TSHZ2: variants seen among roughly 807,000 people sequenced by gnomAD.
TSHZ2 encodes the protein teashirt homolog 2.
TSHZ2 carries 21 observed loss-of-function variants against 74.4 expected under a neutral mutation model. That is an observed-to-expected ratio of 0.28 (90% CI 0.20 to 0.41). The LOEUF (loss-of-function observed/expected upper bound fraction) is 0.41. Ranked by LOEUF, TSHZ2 falls within the 10% of genes least tolerant of loss-of-function variation. The pLI, the probability that TSHZ2 is intolerant of heterozygous loss-of-function variation, is 1.00. For synonymous variants in TSHZ2, 540 were observed against 515.3 expected (o/e 1.05, Z -0.65); for missense variants, 1,244 against 1,293.5 (o/e 0.96, Z 0.59).
At chr20:53,375,965 A>G (rs1981643120) in intron 2 of TSHZ2, among the ~76,000 whole-genome samples, 1 of 152,210 alleles carries the variant, frequency 6.6e-6, no homozygotes, top group Non-Finnish European at 1.5e-5. Context: ...ATAAATACAT[A>G]AACATTTGCC....
At chr20:53,321,616 G>A (rs1009906173) in intron 2 of TSHZ2, among the ~76,000 whole-genome samples, 10 of 147,848 alleles carry the variant, frequency 6.8e-5, no homozygotes, top group Non-Finnish European at 1.3e-4. Flanking sequence ...CCCGGGAGGC[G>A]GAGGTTGTGG....
At chr20:53,142,973 A>G (rs937713654) in intron 1 of TSHZ2, among the ~76,000 whole-genome samples, 1 of 152,162 alleles carries the variant, frequency 6.6e-6, no homozygotes, top group African/African-American at 2.4e-5. Flanking sequence ...GTCAGATCGC[A>G]TTGAGTAACT....
chr20:53,176,682 GTTTC>G (rs1167852022), intron 1 of TSHZ2, among the ~76,000 whole-genome samples: 10 of 148,216 alleles, frequency 6.7e-5, no homozygotes, highest in African/African-American at 1.5e-4. Context: ...GTATTTCTTT[GTTTC>G]TTTCTTTTTT....
intron 1 of TSHZ2, among the ~76,000 whole-genome samples, chr20:53,188,243 A>G (rs1228208647): frequency 1.3e-5 from 2 of 152,182 alleles, no homozygotes; most frequent in Non-Finnish European, 2.9e-5. Context: ...GCCATGTATC[A>G]TTACATAAAT....
intron 1 of TSHZ2, among the ~76,000 whole-genome samples, chr20:53,162,328 A>G (rs1317218946): frequency 6.6e-6 from 1 of 152,256 alleles, no homozygotes; most frequent in Non-Finnish European, 1.5e-5. Flanking sequence ...TGGCTGCCGC[A>G]ATGTTTTGGG....
At chr20:53,326,141 C>T (rs963469006) in intron 2 of TSHZ2, among the ~76,000 whole-genome samples, 6 of 152,196 alleles carry the variant, frequency 3.9e-5, no homozygotes, top group Admixed American at 6.5e-5. Flanking sequence ...GCCTCTTTCT[C>T]GGCTTTATGC....
intron 1 of TSHZ2, among the ~76,000 whole-genome samples, chr20:53,082,702 A>G (rs1665520117): frequency 2.6e-5 from 4 of 152,254 alleles, no homozygotes; most frequent in African/African-American, 9.6e-5. Flanking sequence ...AAAGTTGGAA[A>G]TGATAAGCCA....
chr20:53,013,983 AT>A (rs1258344616), intron 1 of TSHZ2, among the ~76,000 whole-genome samples: 461 of 152,262 alleles, frequency 3.0e-3, no homozygotes, highest in African/African-American at 8.8e-3. Flanking sequence ...CCTCGTGGGG[AT>A]GATATGAAAG....
intron 1 of TSHZ2, chr20:53,206,745 G>T (rs2123596831): frequency 6.6e-6 from 1 of 152,144 alleles, no homozygotes; most frequent in East Asian, 1.9e-4. Context: ...ATACTCTCTA[G>T]GAAATCTCTT....
At chr20:53,037,613 T>C (rs559190817) in intron 1 of TSHZ2, among the ~76,000 whole-genome samples, 1 of 152,338 alleles carries the variant, frequency 6.6e-6, no homozygotes, top group African/African-American at 2.4e-5. Flanking sequence ...GGTAAGTTTC[T>C]AGGGGTCATA....
intron 1 of TSHZ2, among the ~76,000 whole-genome samples, chr20:53,153,885 G>A (rs1047442515): frequency 1.3e-5 from 2 of 152,204 alleles, no homozygotes; most frequent in African/African-American, 4.8e-5. Context: ...AGATGGTTCA[G>A]CTCCTCTCAT....
chr20:53,242,652 A>T (rs907202650), intron 1 of TSHZ2, among the ~76,000 whole-genome samples: 1 of 143,780 alleles, frequency 7.0e-6, no homozygotes, highest in African/African-American at 2.6e-5. Context: ...GTTTAAACCC[A>T]TGTGCACACT....
chr20:53,118,376 G>A (rs543757048), intron 1 of TSHZ2, among the ~76,000 whole-genome samples: 2 of 152,200 alleles, frequency 1.3e-5, no homozygotes, highest in East Asian at 1.9e-4. Flanking sequence ...CTGAGGCAGG[G>A]ATTTAGGTGC....
intron 1 of TSHZ2, among the ~76,000 whole-genome samples, chr20:52,987,074 C>T (rs1015401122): frequency 2.0e-5 from 3 of 152,130 alleles, no homozygotes; most frequent in African/African-American, 7.2e-5. Flanking sequence ...TAGAGGCTTT[C>T]ATTAAAACTT....
At chr20:53,227,403 AT>A (rs1989709067) in intron 1 of TSHZ2, among the ~76,000 whole-genome samples, 1 of 151,894 alleles carries the variant, frequency 6.6e-6, no homozygotes, top group African/African-American at 2.4e-5. Context: ...GCTGTGCTAT[AT>A]TTTATGTTTC....
chr20:53,251,151 G>C (rs1406120536), intron 1 of TSHZ2, among the ~76,000 whole-genome samples: 1 of 152,156 alleles, frequency 6.6e-6, no homozygotes, highest in African/African-American at 2.4e-5. Flanking sequence ...CTTCTTTGTT[G>C]CTGTGATTAC....
chr20:53,228,495 G>C (rs543384681), intron 1 of TSHZ2, among the ~76,000 whole-genome samples: 2 of 152,310 alleles, frequency 1.3e-5, no homozygotes, highest in South Asian at 4.1e-4. Flanking sequence ...CAACCTTGGC[G>C]CTATTGAGAT....
At chr20:53,251,928 T>G (rs1401002537) in intron 1 of TSHZ2, among the ~76,000 whole-genome samples, 1 of 152,230 alleles carries the variant, frequency 6.6e-6, no homozygotes, top group South Asian at 2.1e-4. Flanking sequence ...CATTCTCCCA[T>G]CAGGCAGACT....
At chr20:52,992,795 C>T (rs1408570012) in intron 1 of TSHZ2, among the ~76,000 whole-genome samples, 3 of 152,142 alleles carry the variant, frequency 2.0e-5, no homozygotes, top group Non-Finnish European at 4.4e-5. Context: ...TAAGGTTAAA[C>T]AAATGTGAGT....
Sources: gnomAD v4.1 joint callset for allele counts (sites outside exome capture counted in the v4.1 genomes callset) on GRCh38, gnomAD v4.1.1 for gene constraint, MANE v1.5 for transcripts, NCBI Gene and HGNC (gene_info 2026-07-23, HGNC 2026-07-21) for gene names.